FUT9: variants seen among roughly 807,000 people sequenced by gnomAD.
The protein encoded by FUT9 is fucosyltransferase 9, also known as 4-galactosyl-N-acetylglucosaminide 3-alpha-L-fucosyltransferase 9.
FUT9 carries 15 observed loss-of-function variants against 29.7 expected under a neutral mutation model. The observed-to-expected ratio is 0.51, with a 90% CI of 0.34 to 0.78. The LOEUF is 0.78. FUT9 is among the 30% of genes least tolerant of loss of function. The probability of loss-of-function intolerance (pLI) is 0.01; values close to 1 mark genes in which losing one functional copy is unlikely to be tolerated. For missense variants in FUT9, 319 were observed against 425.4 expected (o/e 0.75, Z 2.20); for synonymous variants, 169 against 153.7 (o/e 1.10, Z -0.74).
At position 96,205,150 on chromosome 6, in the gene FUT9, T is replaced by C. The variant is rs2127992075; in HGVS notation, c.*915T>C. 1 of 167,118 alleles carries C rather than the reference T, an allele frequency of 6.0e-6. No homozygotes were observed. The highest frequency in any genetic ancestry group is 2.4e-5 in the African/African-American group (1 of 41,586). The allele number at this position is 167,118 out of a possible 1,614,324, so 10.4% of individuals were successfully genotyped here. ...TTAAGATTTTTTTCTGAAGCCCTAA[T>C]ATTTAAAATGGTCTTATTTTACCAT... On this transcript the variant is annotated 3_prime_UTR_variant, in exon 3 of 3. Transcript: ENST00000302103.
Position 96,212,612 on chromosome 6 carries a change from C to A in FUT9, c.*8377C>A. ...ATAAAATGGCATTGTTATAGAATCC[C>A]TAAAAGGTAAATAATGTATGAGATG... On this transcript the variant is annotated 3_prime_UTR_variant, in exon 3 of 3. Coordinates refer to ENST00000302103, the MANE Select transcript of FUT9 (RefSeq NM_006581.4). The A allele has an allele frequency of 2.9e-6, 1 of 339,130 alleles. No homozygotes were observed. The highest frequency in any genetic ancestry group is 5.6e-6 in the Non-Finnish European group (1 of 180,138). The allele number at this position is 339,130 out of a possible 1,614,324, so 21.0% of individuals were successfully genotyped here. A position where few individuals can be genotyped will look rare whatever the true frequency, so the allele number is the denominator to read the frequency against.
At chr6:96,024,821 C>A (rs1770135299) in intron 1 of FUT9, among the ~76,000 whole-genome samples, 3 of 151,714 alleles carry the variant, frequency 2.0e-5, no homozygotes, top group Non-Finnish European at 3.0e-5. Flanking sequence ...TCAATCCAGG[C>A]CATTAAGAGC....
At chr6:96,152,780 T>C (rs144579704) in intron 2 of FUT9, among the ~76,000 whole-genome samples, 32 of 152,340 alleles carry the variant, frequency 2.1e-4, no homozygotes, top group African/African-American at 5.3e-4. Context: ...TTAATACGAT[T>C]GACCATTCAG....
intron 2 of FUT9, among the ~76,000 whole-genome samples, chr6:96,116,729 C>A: frequency 6.6e-6 from 1 of 152,078 alleles, no homozygotes; most frequent in Non-Finnish European, 1.5e-5. Context: ...ATCTTAAATT[C>A]TGAAAAAGCC....
chr6:96,150,848 C>T (rs747818185), intron 2 of FUT9, among the ~76,000 whole-genome samples: 12 of 152,224 alleles, frequency 7.9e-5, no homozygotes, highest in Non-Finnish European at 1.6e-4. Flanking sequence ...ATATCATTCC[C>T]TAGGACTGGG....
intron 2 of FUT9, among the ~76,000 whole-genome samples, chr6:96,159,242 A>G (rs1582274846): frequency 1.8e-5 from 2 of 111,468 alleles, no homozygotes; most frequent in East Asian, 3.9e-4. Flanking sequence ...AGACAGGAGT[A>G]GATGTGAAGA....
At chr6:96,150,806 G>A (rs1337001108) in intron 2 of FUT9, among the ~76,000 whole-genome samples, 1 of 152,142 alleles carries the variant, frequency 6.6e-6, no homozygotes, top group Non-Finnish European at 1.5e-5. Flanking sequence ...GTGTGGAGCT[G>A]ACCTGATAGG....
chr6:96,068,074 A>G (rs1260330626), intron 1 of FUT9, among the ~76,000 whole-genome samples: 2 of 152,130 alleles, frequency 1.3e-5, no homozygotes, highest in African/African-American at 4.8e-5. Context: ...AGAAAAGATG[A>G]TTTTGAAGAA....
At position 96,206,616 on chromosome 6, in the gene FUT9, C is replaced by G. The variant is rs1337218985; in HGVS notation, c.*2381C>G. On this transcript the variant is annotated 3_prime_UTR_variant, in exon 3 of 3. Transcript: ENST00000302103. ...TAGCTAGGATTACAGGCGTGTACCA[C>G]TATGCCTGGCTAGTTTTTGTATTTT... The G allele has an allele frequency of 6.2e-6, 1 of 162,200 alleles. No individual in the cohort carries two copies. The highest frequency in any genetic ancestry group is 1.5e-5 in the Non-Finnish European group (1 of 68,134). 10.0% of individuals were successfully genotyped at this position (162,200 alleles called of 1,614,324 possible).
At chr6:96,020,989 G>A (rs950672754) in intron 1 of FUT9, 1 of 152,030 alleles carries the variant, frequency 6.6e-6, no homozygotes, top group African/African-American at 2.4e-5. Flanking sequence ...TATGATTTAA[G>A]CTCTGACCTC....
rs139531428 is a variant in FUT9, at chr6:96,101,406, G to T, written c.-97-12633G>T. ...ATACAAAAACTTAGCCAGATGTGTT[G>T]TGGGGGCTGGGGGGTGCCTGTAATC... is the stretch of plus-strand genomic sequence containing the variant. On this transcript the variant is annotated intron_variant, in intron 1 of 2. Coordinates refer to ENST00000302103, the MANE Select transcript of FUT9 (RefSeq NM_006581.4). 2.0e-4 allele frequency among the ~76,000 whole-genome samples: 30 copies of T among 152,016 alleles called. No individual in the cohort carries two copies. In the East Asian group the frequency reaches 5.5e-3, roughly 28 times the overall value.
chr6:96,055,791 T>C (rs9498883), intron 1 of FUT9, among the ~76,000 whole-genome samples: 81,448 of 149,596 alleles, frequency 0.54, 22,333 homozygotes, highest in South Asian at 0.63. Flanking sequence ...GTGATCTGCC[T>C]GCCTTGGCCT....
intron 2 of FUT9, among the ~76,000 whole-genome samples, chr6:96,150,190 C>T (rs10499001): frequency 0.15 from 22,093 of 152,068 alleles, 1,789 homozygotes; most frequent in Non-Finnish European, 0.18. Context: ...GTGTGCTATA[C>T]TAAATGGTGT....
intron 2 of FUT9, among the ~76,000 whole-genome samples, chr6:96,141,277 A>G (rs1402209799): frequency 6.6e-6 from 1 of 152,202 alleles, no homozygotes. Flanking sequence ...TCATTTTTCC[A>G]AAGTTTGGAA....
intron 1 of FUT9, among the ~76,000 whole-genome samples, chr6:96,062,787 C>T (rs1770899466): frequency 6.6e-6 from 1 of 151,928 alleles, no homozygotes; most frequent in Non-Finnish European, 1.5e-5. Context: ...ACTGTTTCCC[C>T]TTTGTAAAAA....
chr6:96,198,470 G>C (rs1283958682), intron 2 of FUT9, among the ~76,000 whole-genome samples: 1 of 152,008 alleles, frequency 6.6e-6, no homozygotes, highest in African/African-American at 2.4e-5. Flanking sequence ...TGGCTGCATA[G>C]TATTCCATGG....
intron 2 of FUT9, among the ~76,000 whole-genome samples, chr6:96,198,018 A>G (rs1211133565): frequency 8.5e-5 from 13 of 152,076 alleles, no homozygotes; most frequent in Non-Finnish European, 8.8e-5. Flanking sequence ...TAATACCTTG[A>G]TATGTATCTG....
chr6:96,134,782 C>T (rs1175975901), intron 2 of FUT9, among the ~76,000 whole-genome samples: 1 of 151,888 alleles, frequency 6.6e-6, no homozygotes, highest in Non-Finnish European at 1.5e-5. Context: ...GATTCCAAAA[C>T]TCATGTGTAT....
chr6:96,112,283 T>C (rs1302874731), intron 1 of FUT9, among the ~76,000 whole-genome samples: 1 of 152,150 alleles, frequency 6.6e-6, no homozygotes, highest in Non-Finnish European at 1.5e-5. Context: ...CATAATTATA[T>C]GACAATCACA....
Sources: gnomAD v4.1 joint callset for allele counts (sites outside exome capture counted in the v4.1 genomes callset) on GRCh38, gnomAD v4.1.1 for gene constraint, MANE v1.5 for transcripts, NCBI Gene and HGNC (gene_info 2026-07-23, HGNC 2026-07-21) for gene names.